Variants in PTPRU observed in about 807,000 individuals in gnomAD.
PTPRU encodes protein tyrosine phosphatase receptor type U.
In PTPRU, 69 loss-of-function variants were observed where a neutral mutation model predicts 166.3. The ratio of observed to expected loss-of-function variants is 0.41; its 90% confidence interval spans 0.34 to 0.51. The LOEUF is 0.51. PTPRU is among the 20% of genes least tolerant of loss of function. The pLI is 0.09. For missense variants in PTPRU, 1,657 were observed against 2,013.7 expected, an observed-to-expected ratio of 0.82 and a Z score of 3.39; for synonymous variants, 793 against 814.0, an observed-to-expected ratio of 0.97 and a Z score of 0.44.
intron 15 of PTPRU, among the ~76,000 whole-genome samples, chr1:29,295,184 CA>C (rs1686825901): frequency 6.6e-6 from 1 of 151,930 alleles, no homozygotes; most frequent in Non-Finnish European, 1.5e-5. Flanking sequence ...TACAGGGGCG[CA>C]CCACCATGCC....
intron 15 of PTPRU, among the ~76,000 whole-genome samples, chr1:29,296,233 C>G (rs930249191): frequency 3.3e-5 from 5 of 152,136 alleles, no homozygotes; most frequent in Admixed American, 1.3e-4. Flanking sequence ...ATGTTTCTAA[C>G]ATTTAAACAC....
intron 22 of PTPRU, among the ~76,000 whole-genome samples, chr1:29,314,905 C>T (rs957676974): frequency 3.3e-5 from 5 of 152,098 alleles, no homozygotes; most frequent in Non-Finnish European, 7.4e-5. Flanking sequence ...TAAAAACCTG[C>T]CCACGTTGCT....
chr1:29,312,013 CTG>C (rs1687687799), intron 21 of PTPRU, among the ~76,000 whole-genome samples: 1 of 152,240 alleles, frequency 6.6e-6, no homozygotes, highest in East Asian at 1.9e-4. Flanking sequence ...GGCTCCTACT[CTG>C]TGCTGAGCCT....
chr1:29,311,601 G>C lies in PTPRU; in HGVS notation c.2956-42G>C. On this transcript the variant is annotated intron_variant, in intron 20 of 29. Transcript: ENST00000373779. This position sits in a 1 kb window ranked among gnomAD's most constrained non-coding sequence, Gnocchi z 4.1. ...CTGGGGCGCATGGCAGGCCAAGGGG[G>C]CAGCAAAGAGCCCACTGAGTCCCGT... 6.2e-7 allele frequency: 1 copy of C among 1,613,938 alleles called. No homozygotes were observed. Among genetic ancestry groups the C allele is most frequent in the Non-Finnish European group, 8.5e-7 (1 of 1,179,788 alleles).
intron 14 of PTPRU, among the ~76,000 whole-genome samples, chr1:29,285,286 A>T (rs1262226636): frequency 6.6e-6 from 1 of 152,106 alleles, no homozygotes; most frequent in Non-Finnish European, 1.5e-5. Flanking sequence ...CAGAGGATGG[A>T]GCTCACTCCT....
At chr1:29,284,636 C>G in intron 13 of PTPRU, 95 bp from the exon 14 acceptor site, 1 of 1,565,498 alleles carries the variant, frequency 6.4e-7, no homozygotes. Flanking sequence ...GCGGTTTGTG[C>G]AGCCCAGTTT....
chr1:29,281,657 C>G (rs1686087968), intron 11 of PTPRU, among the ~76,000 whole-genome samples: 1 of 152,164 alleles, frequency 6.6e-6, no homozygotes, highest in African/African-American at 2.4e-5. Flanking sequence ...CTGACCTTAG[C>G]CTGGGGCAAT....
chr1:29,274,986 G>T (rs1685728207), intron 7 of PTPRU, among the ~76,000 whole-genome samples: 1 of 150,376 alleles, frequency 6.6e-6, no homozygotes, highest in Admixed American at 6.7e-5. Context: ...GGAGGCAGAG[G>T]TTGCAGTGAG....
chr1:29,247,532 T>G lies in PTPRU; in HGVS notation c.74-7743T>G, dbSNP rs187062299. On this transcript the variant is annotated intron_variant, in intron 1 of 29. Coordinates refer to ENST00000373779, the MANE Select transcript of PTPRU (RefSeq NM_133178.4). ...TACAGATCGTCACACTGCTCGGGTT[T>G]GTGCACAGCCCCATGCCCCTCTACT... is the stretch of plus-strand genomic sequence containing the variant. Among the ~76,000 whole-genome samples, 38 of 152,384 alleles carry G rather than the reference T, an allele frequency of 2.5e-4. 1 individual carries two copies. The highest frequency in any genetic ancestry group is 2.1e-3 in the Admixed American group (32 of 15,312).
chr1:29,279,739 G>A lies in PTPRU; in HGVS notation c.1765+82G>A. The A allele has an allele frequency of 1.3e-6, 2 of 1,487,118 alleles. No individual in the cohort carries two copies. The highest frequency in any genetic ancestry group is 1.9e-6 in the Non-Finnish European group (2 of 1,080,270). 92.1% of individuals were successfully genotyped at this position (1,487,118 alleles called of 1,614,324 possible). On this transcript the variant is annotated intron_variant, in intron 10 of 29. Coordinates refer to ENST00000373779, the MANE Select transcript of PTPRU (RefSeq NM_133178.4). This position sits in a 1 kb window ranked among gnomAD's most constrained non-coding sequence, Gnocchi z 5.2. ...TCCATGGGCAGAAGGGAAATGGGGG[G>A]CATCCTGGGGGTAGTTACAGAGGGC...
At chr1:29,284,007 G>C in intron 13 of PTPRU, 31 bp downstream of exon 13, 1 of 1,612,754 alleles carries the variant, frequency 6.2e-7, no homozygotes, top group Non-Finnish European at 8.5e-7. Flanking sequence ...CAGCCTTTCA[G>C]CGGCAGGTTT....
At chr1:29,289,846 C>T (rs752635133) in intron 14 of PTPRU, 4 of 1,016,218 alleles carry the variant, frequency 3.9e-6, no homozygotes, top group Non-Finnish European at 6.0e-6. Flanking sequence ...CTCTGGTCAC[C>T]TCGGCCTCTG....
rs1490305958 is a variant in PTPRU at position 29,305,694 on chromosome 1, C to T, written c.2820+266C>T. 5 of 642,798 alleles carry T rather than the reference C, an allele frequency of 7.8e-6. No homozygotes were observed. The Admixed American group carries it at 9.8e-5, about 13-fold the overall frequency. The allele number at this position is 642,798 out of a possible 1,614,324, so 39.8% of individuals were successfully genotyped here. ...CAAAGGGAAGAGGCAGACAGCTAGG[C>T]CAAGAGGTGAGGAAGGCGGGAGGCA... On this transcript the variant is annotated intron_variant, in intron 18 of 29. Coordinates refer to ENST00000373779, the MANE Select transcript of PTPRU (RefSeq NM_133178.4).
At position 29,260,151 on chromosome 1, in the gene PTPRU, C is replaced by T. The variant is rs1684987607; in HGVS notation, c.850+107C>T. On this transcript the variant is annotated intron_variant, in intron 6 of 29. Coordinates refer to ENST00000373779, the MANE Select transcript of PTPRU (RefSeq NM_133178.4). The surrounding 1 kb of genome is among the most constrained non-coding windows in gnomAD (Gnocchi z 8.3). ...GCGTGGCCGTGGGGGGTGGGGCCGGCAGGGTGTCGCTGGGGCGCTATCTGA... is the reference window on the plus strand; with the variant it reads ...GCGTGGCCGTGGGGGGTGGGGCCGGTAGGGTGTCGCTGGGGCGCTATCTGA... 6.7e-6 allele frequency: 8 copies of T among 1,187,578 alleles called. No homozygotes were observed. The highest frequency in any genetic ancestry group is 8.7e-6 in the Non-Finnish European group (8 of 919,052). The allele number at this position is 1,187,578 out of a possible 1,614,324, so 73.6% of individuals were successfully genotyped here. A position where few individuals can be genotyped will look rare whatever the true frequency, so the allele number is the denominator to read the frequency against.
rs772282497 is a variant in PTPRU, at chr1:29,325,259, A to G, written c.4181A>G (p.Asn1394Ser). 2.2e-5 allele frequency: 35 copies of G among 1,614,132 alleles called. No individual in the cohort carries two copies. The highest frequency in any genetic ancestry group is 2.7e-5 in the Non-Finnish European group (32 of 1,180,012). ...GTCCTGGAGATGATCCGCTGCCACA[A>G]CTTGGTGGACGTTTTCTTTGCTGCC... ...ATVLEMIRCH[N>S]LVDVFFAAKT... Residue 1394 changes from asparagine (N) to serine (S), a missense_variant, in exon 29 of 30, where the codon AAC (asparagine) becomes AGC (serine). Physicochemically the swap from Asn to Ser is conservative, Grantham distance 46 (BLOSUM62 1). Transcript: ENST00000373779.
chr1:29,272,628 T>C (rs1156797765), intron 7 of PTPRU, among the ~76,000 whole-genome samples: 1 of 152,060 alleles, frequency 6.6e-6, no homozygotes, highest in East Asian at 1.9e-4. Context: ...CACTAGGGGC[T>C]GGGTGCGGTG....
chr1:29,242,058 A>G (rs1684082938), intron 1 of PTPRU, among the ~76,000 whole-genome samples: 1 of 151,442 alleles, frequency 6.6e-6, no homozygotes, highest in African/African-American at 2.4e-5. Context: ...TGCCTGGCTA[A>G]TTTTTGTATT....
chr1:29,324,167 CCCATCCATCCAT>C (rs373968731), intron 28 of PTPRU, among the ~76,000 whole-genome samples: 1 of 152,068 alleles, frequency 6.6e-6, no homozygotes, highest in Non-Finnish European at 1.5e-5. Flanking sequence ...CATCCATCCA[CCCATCCATCCAT>C]CCATCCATCT....
chr1:29,254,660 G>T (rs149557227), intron 1 of PTPRU, among the ~76,000 whole-genome samples: 23 of 152,320 alleles, frequency 1.5e-4, no homozygotes, highest in Middle Eastern at 3.4e-3. Context: ...CATTGTGCCC[G>T]GCTTGAGTGG....
Sources: gnomAD v4.1 joint callset for allele counts (sites outside exome capture counted in the v4.1 genomes callset) on GRCh38, gnomAD v4.1.1 for gene constraint, Gnocchi (gnomAD v3.1) non-coding constraint, MANE v1.5 for transcripts, NCBI Gene and HGNC (gene_info 2026-07-23, HGNC 2026-07-21) for gene names.